Variants in OR51E1 observed in about 807,000 individuals in gnomAD.
OR51E1 encodes olfactory receptor family 51 subfamily E member 1, also known as olfactory receptor 51E1.
Under a neutral mutation model 11.5 loss-of-function variants are expected in OR51E1, and 9 were observed. The ratio of observed to expected loss-of-function variants is 0.78; its 90% CI spans 0.47 to 1.37. The LOEUF (loss-of-function observed/expected upper bound fraction) is 1.37. Among genes scored for constraint, OR51E1 ranks in the 40% most tolerant of loss-of-function variants. The pLI, the probability that OR51E1 is intolerant of heterozygous loss-of-function variation, is 0.00. For synonymous variants in OR51E1, 168 were observed against 158.3 expected, an observed-to-expected ratio of 1.06 and a Z score of -0.46; for missense variants, 397 against 410.2, an observed-to-expected ratio of 0.97 and a Z score of 0.28.
Position 4,653,464 on chromosome 11 carries a change from C to T in OR51E1, c.938C>T (p.Thr313Ile). The change falls in exon 2 of 2, where the codon ACA becomes ATA. Residue 313 changes from threonine (T) to isoleucine (I), a missense_variant. Thr to Ile is a moderately conservative substitution (Grantham distance 89). Coordinates refer to ENST00000396952, the MANE Select transcript of OR51E1 (RefSeq NM_152430.4). ...ATCCTTCGACTTTTCCATGTGGCCA[C>T]ACACGCTTCAGAGCCCTAGGTGTCA... ...QRILRLFHVA[T>I]HASEP The T allele has an allele frequency of 1.2e-6, 2 of 1,609,548 alleles. No homozygotes were observed. The highest frequency in any genetic ancestry group is 1.7e-6 in the Non-Finnish European group (2 of 1,176,076).
intron 1 of OR51E1, among the ~76,000 whole-genome samples, chr11:4,647,421 T>G (rs913005689): frequency 1.3e-5 from 2 of 152,096 alleles, no homozygotes; most frequent in African/African-American, 4.8e-5. Context: ...TATGGAACAT[T>G]GGGATGCTTC....
intron 1 of OR51E1, among the ~76,000 whole-genome samples, chr11:4,647,331 A>G (rs1847041672): frequency 1.3e-5 from 2 of 152,242 alleles, no homozygotes; most frequent in African/African-American, 4.8e-5. Flanking sequence ...CCATCTCACT[A>G]AGTTCTAATT....
At chr11:4,646,393 T>A (rs1164422693) in intron 1 of OR51E1, among the ~76,000 whole-genome samples, 2 of 152,092 alleles carry the variant, frequency 1.3e-5, no homozygotes, top group African/African-American at 4.8e-5. Context: ...GAGATTAATA[T>A]TGAAATAGTG....
At chr11:4,647,498 C>T (rs898665456) in intron 1 of OR51E1, among the ~76,000 whole-genome samples, 5 of 152,062 alleles carry the variant, frequency 3.3e-5, no homozygotes, top group African/African-American at 1.2e-4. Context: ...CCCTTCATTT[C>T]TCTCCTGCTG....
At chr11:4,647,545 A>G (rs1407213581) in intron 1 of OR51E1, among the ~76,000 whole-genome samples, 6 of 151,828 alleles carry the variant, frequency 4.0e-5, no homozygotes, top group Non-Finnish European at 7.4e-5. Context: ...TCACGGGTCT[A>G]TGAGAAGGAG....
rs1847151857 is a variant in OR51E1 at position 4,655,026 on chromosome 11, G to T, written c.*1543G>T. On this transcript the variant is annotated 3_prime_UTR_variant, in exon 2 of 2. Transcript: ENST00000396952. ...TGCTGCTGGACTGTAAGCCCATGAGGGCACTGTTTATTATTGAATGTCATC... is the reference window on the plus strand; with the variant it reads ...TGCTGCTGGACTGTAAGCCCATGAGTGCACTGTTTATTATTGAATGTCATC... 6.0e-6 allele frequency: 1 copy of T among 166,944 alleles called. No individual in the cohort carries two copies. Among genetic ancestry groups the T allele is most frequent in the African/African-American group, 2.4e-5 (1 of 41,426 alleles). 10.3% of individuals were successfully genotyped at this position (166,944 alleles called of 1,614,324 possible).
rs879201403 is a variant in OR51E1, at chr11:4,654,220, T to TA, written c.*747dup. ...AATGGGGTCATACAAGTATAAAAAT[T>TA]AAAAAAAAAAGACTTCATGCCCAAT... On this transcript the variant is annotated 3_prime_UTR_variant, in exon 2 of 2. Transcript: ENST00000396952. 165 of 162,656 alleles carry TA rather than the reference T, an allele frequency of 1.0e-3. 1 individual carries two copies. The South Asian group carries it at 0.012, about 12-fold the overall frequency. The allele number at this position is 162,656 out of a possible 1,614,324, so 10.1% of individuals were successfully genotyped here.
In OR51E1 at chr11:4,652,693, A is replaced by G. The variant is rs1034217959; in HGVS notation, c.167A>G (p.His56Arg). ...LTIIYIVRTEHSLHEPMYIFL... is the reference protein window; with the variant it reads ...LTIIYIVRTERSLHEPMYIFL... The stretch of plus-strand genomic sequence containing the variant: ...ATCATCTACATTGTGCGGACTGAGC[A>G]CAGCCTGCATGAGCCCATGTATATA... Residue 56 changes from histidine (H) to arginine (R), a missense_variant, in exon 2 of 2, where the codon CAC becomes CGC. By Grantham distance (29) the His-to-Arg change is conservative. Coordinates refer to ENST00000396952, the MANE Select transcript of OR51E1 (RefSeq NM_152430.4). 1 of 1,614,062 alleles carries G rather than the reference A, an allele frequency of 6.2e-7. No individual in the cohort carries two copies. Among genetic ancestry groups the G allele is most frequent in the Admixed American group, 1.7e-5 (1 of 60,004 alleles).
Position 4,652,875 on chromosome 11 carries a change from G to T in OR51E1, c.349G>T (p.Val117Leu), listed in dbSNP as rs1696994543. 8.1e-6 allele frequency: 13 copies of T among 1,613,810 alleles called. No individual in the cohort carries two copies. The highest frequency in any genetic ancestry group is 1.1e-5 in the Non-Finnish European group (13 of 1,179,818). Residue 117 changes from valine to leucine, a missense_variant, in exon 2 of 2, where the codon GTG becomes TTG. Physicochemically the swap from Val to Leu is conservative, Grantham distance 32. Transcript: ENST00000396952. ...IHSLSGMESTVLLAMAFDRYV... is the reference protein window; with the variant it reads ...IHSLSGMESTLLLAMAFDRYV... ...CTCCTTATCTGGCATGGAATCCACA[G>T]TGCTGCTGGCCATGGCTTTTGACCG...
At position 4,653,268 on chromosome 11, in the gene OR51E1, T is replaced by A; in HGVS notation, c.742T>A (p.Cys248Ser). The A allele has an allele frequency of 4.3e-6, 7 of 1,614,156 alleles. No homozygotes were observed. The highest frequency in any genetic ancestry group is 5.9e-6 in the Non-Finnish European group (7 of 1,180,020). Residue 248 changes from cysteine to serine, a missense_variant, in exon 2 of 2, where the codon TGT becomes AGT. Coordinates refer to ENST00000396952, the MANE Select transcript of OR51E1 (RefSeq NM_152430.4). ...ATTTGGCACTTGCGTCTCTCATGTG[T>A]GTGCTGTGTTCATATTCTATGTACC... ...KAFGTCVSHVCAVFIFYVPFI... is the reference protein window; with the variant it reads ...KAFGTCVSHVSAVFIFYVPFI...
At chr11:4,651,788 T>G (rs1847101944) in intron 1 of OR51E1, among the ~76,000 whole-genome samples, 1 of 152,192 alleles carries the variant, frequency 6.6e-6, no homozygotes, top group Non-Finnish European at 1.5e-5. Flanking sequence ...GGTGGTCATT[T>G]GGACAAGAAG....
At chr11:4,649,529 G>T (rs541817745) in intron 1 of OR51E1, among the ~76,000 whole-genome samples, 1 of 152,350 alleles carries the variant, frequency 6.6e-6, no homozygotes, top group African/African-American at 2.4e-5. Flanking sequence ...AGGCCCGGAT[G>T]ATGAAAGTCA....
At chr11:4,646,086 G>A (rs113867489) in intron 1 of OR51E1, among the ~76,000 whole-genome samples, 3,276 of 152,260 alleles carry the variant, frequency 0.022, 119 homozygotes, top group African/African-American at 0.073. Context: ...TGCCCCTGAG[G>A]TCTGCCTTCC....
intron 1 of OR51E1, among the ~76,000 whole-genome samples, chr11:4,647,207 C>G (rs1234232392): frequency 6.6e-6 from 1 of 152,120 alleles, no homozygotes; most frequent in Non-Finnish European, 1.5e-5. Context: ...TGTAGGTGCT[C>G]AATAATCTAT....
intron 1 of OR51E1, among the ~76,000 whole-genome samples, chr11:4,647,053 G>A (rs758053855): frequency 4.6e-5 from 7 of 152,102 alleles, no homozygotes; most frequent in African/African-American, 7.2e-5. Context: ...TGGCCCCTTT[G>A]CCTGAAGTTC....
At chr11:4,651,443 G>A (rs562943874) in intron 1 of OR51E1, among the ~76,000 whole-genome samples, 47 of 152,320 alleles carry the variant, frequency 3.1e-4, no homozygotes, top group African/African-American at 1.1e-3. Flanking sequence ...TCCTTGGGAA[G>A]CTCTGAAGTA....
rs148027913 is a variant in OR51E1, at chr11:4,646,671, G to A, written c.-40+2641G>A. Among the ~76,000 whole-genome samples, 581 of 152,294 alleles carry A rather than the reference G, an allele frequency of 3.8e-3. 3 individuals carry two copies. Among genetic ancestry groups the A allele is most frequent in the African/African-American group, 0.014 (567 of 41,558 alleles). ...CTTTGGAGTTAGGGCTGAAAGAGGA[G>A]GTGAGTGTCCCAAGTTCCAGTGCAG... On this transcript the variant is annotated intron_variant, in intron 1 of 1. Coordinates refer to ENST00000396952, the MANE Select transcript of OR51E1 (RefSeq NM_152430.4).
Position 4,653,988 on chromosome 11 carries a change from A to G in OR51E1, c.*505A>G, listed in dbSNP as rs1475349730. 6.0e-6 allele frequency: 1 copy of G among 167,152 alleles called. No individual in the cohort carries two copies. The allele number at this position is 167,152 out of a possible 1,614,324, so 10.4% of individuals were successfully genotyped here. A position where few individuals can be genotyped will look rare whatever the true frequency, so the allele number is the denominator to read the frequency against. ...ATTTTTCCTCTGGACACTAGCACTT[A>G]AGGGGAAGATTGGAAGTAAAGCCTT... On this transcript the variant is annotated 3_prime_UTR_variant, in exon 2 of 2. Transcript: ENST00000396952.
Position 4,652,481 on chromosome 11 carries a change from A to G in OR51E1, c.-39-7A>G, listed in dbSNP as rs186702383. On this transcript the variant is annotated splice_polypyrimidine_tract_variant and splice_region_variant and intron_variant, in intron 1 of 1. Coordinates refer to ENST00000396952, the MANE Select transcript of OR51E1 (RefSeq NM_152430.4). Reference sequence around the variant, plus strand: ...GGATCTGACAGTGGCTTATCTTTGCATTCCAGCCTCTACCTGCCTGGTGCT... The same window carrying G: ...GGATCTGACAGTGGCTTATCTTTGCGTTCCAGCCTCTACCTGCCTGGTGCT... 85 of 1,349,924 alleles carry G rather than the reference A, an allele frequency of 6.3e-5. No homozygotes were observed. The African/African-American group carries it at 9.7e-4, about 15-fold the overall frequency. 83.6% of individuals were successfully genotyped at this position (1,349,924 alleles called of 1,614,324 possible).
Sources: allele counts gnomAD v4.1 joint callset (sites outside exome capture counted in the v4.1 genomes callset), GRCh38; gene constraint gnomAD v4.1.1; transcripts MANE v1.5; gene names NCBI Gene and HGNC (gene_info 2026-07-23, HGNC 2026-07-21).